OR1L8: variants seen among roughly 807,000 people sequenced by gnomAD.
The protein encoded by OR1L8 is olfactory receptor 1L8.
For synonymous variants in OR1L8, 148 were observed against 147.0 expected (o/e 1.01, Z -0.05); for missense variants, 330 against 377.4 (o/e 0.87, Z 1.04).
At chr9:122,565,295 ATC>A (rs936554962), downstream of OR1L8, among the ~76,000 whole-genome samples, 14 of 152,222 alleles carry the variant, frequency 9.2e-5, no homozygotes, top group Non-Finnish European at 1.9e-4. Flanking sequence ...ATATGAAGAT[ATC>A]TGTGTCCCAT....
At chr9:122,556,336 A>T in the OR1L8 span, among the ~76,000 whole-genome samples, 1 of 150,176 alleles carries the variant, frequency 6.7e-6, no homozygotes, top group East Asian at 2.0e-4. Flanking sequence ...TGTTGAAGAG[A>T]CTGTTTTCTC....
At chr9:122,553,528 T>C in the OR1L8 span, 1 of 1,614,010 alleles carries the variant, frequency 6.2e-7, no homozygotes, top group South Asian at 1.1e-5. Context: ...CAGCTATATT[T>C]CCTCCTTATG....
chr9:122,577,534 T>C (rs1829678816), intron 2 of OR1L8, among the ~76,000 whole-genome samples: 1 of 152,190 alleles, frequency 6.6e-6, no homozygotes, highest in Non-Finnish European at 1.5e-5. Flanking sequence ...TCAGTAAGCA[T>C]GTGAACAAGT....
At chr9:122,580,722 G>A (rs1829729590) in intron 1 of OR1L8, among the ~76,000 whole-genome samples, 1 of 151,764 alleles carries the variant, frequency 6.6e-6, no homozygotes, top group African/African-American at 2.4e-5. Flanking sequence ...GTATTATGAG[G>A]GAATTAAAAG....
At chr9:122,547,703 A>G in the OR1L8 span, among the ~76,000 whole-genome samples, 2 of 151,680 alleles carry the variant, frequency 1.3e-5, no homozygotes, top group Non-Finnish European at 2.9e-5. Context: ...GTTGATGAAC[A>G]CTTAGTTTGA....
intron 3 of OR1L8, among the ~76,000 whole-genome samples, chr9:122,575,272 C>T (rs139748373): frequency 6.6e-6 from 1 of 152,154 alleles, no homozygotes; most frequent in African/African-American, 2.4e-5. Flanking sequence ...AATATAAATT[C>T]TTCTTTAAAT....
chr9:122,548,601 A>ATATATATATATATATATATATATT, the OR1L8 span, among the ~76,000 whole-genome samples: 1 of 151,550 alleles, frequency 6.6e-6, no homozygotes, highest in Non-Finnish European at 1.5e-5. Flanking sequence ...ATATATATAT[A>ATATATATATATATATATATATATT]TTTTTATTAT....
In OR1L8 at chr9:122,568,398, G is replaced by A; in HGVS notation, c.80C>T (p.Thr27Ile). 1.2e-6 allele frequency: 2 copies of A among 1,613,476 alleles called. No homozygotes were observed. Among genetic ancestry groups the A allele is most frequent in the Non-Finnish European group, 1.7e-6 (2 of 1,179,434 alleles). The change falls in exon 5 of 5, where the codon ACA becomes ATA. Residue 27 changes from threonine (T) to isoleucine (I), a missense_variant. Physicochemically the swap from Thr to Ile is moderately conservative, Grantham distance 89. Transcript: ENST00000641027. ...CACGATGAGGAAGAGAACAAAGAGT[G>A]TCTTTTGGTCCTCAGGCCGGGAGGA... The part of the protein sequence containing the change: ...GLSSRPEDQK[T>I]LFVLFLIVYL...
intron 4 of OR1L8, among the ~76,000 whole-genome samples, chr9:122,569,033 G>A (rs1829491896): frequency 6.6e-6 from 1 of 151,788 alleles, no homozygotes; most frequent in South Asian, 2.1e-4. Flanking sequence ...GTGTCACGCT[G>A]AAGTTTATCT....
chr9:122,568,377 A>G lies in OR1L8; in HGVS notation c.101T>C (p.Ile34Thr). 1 of 1,613,970 alleles carries G rather than the reference A, an allele frequency of 6.2e-7. No individual in the cohort carries two copies. Among genetic ancestry groups the G allele is most frequent in the Non-Finnish European group, 8.5e-7 (1 of 1,179,832 alleles). Residue 34 changes from isoleucine to threonine, a missense_variant, in exon 5 of 5, where the codon ATC becomes ACC. Coordinates refer to ENST00000641027, the MANE Select transcript of OR1L8 (RefSeq NM_001004454.2). ...CCCTGTTATGGTGACCAGGTACACG[A>G]TGAGGAAGAGAACAAAGAGTGTCTT... ...DQKTLFVLFLIVYLVTITGNL... is the reference protein window; with the variant it reads ...DQKTLFVLFLTVYLVTITGNL...
At chr9:122,572,610 G>C (rs34175229) in intron 4 of OR1L8, among the ~76,000 whole-genome samples, 170 bp downstream of exon 4, 1 of 150,710 alleles carries the variant, frequency 6.6e-6, no homozygotes, top group African/African-American at 2.4e-5. Flanking sequence ...GGGTTTTGCT[G>C]CTCTCAAAGC....
At chr9:122,579,471 G>C (rs892199152) in intron 1 of OR1L8, among the ~76,000 whole-genome samples, 1 of 152,068 alleles carries the variant, frequency 6.6e-6, no homozygotes, top group African/African-American at 2.4e-5. Flanking sequence ...CCTTGTACTG[G>C]AGCAAAAGGC....
chr9:122,558,310 G>GTTTT, the OR1L8 span, among the ~76,000 whole-genome samples: 4 of 24,208 alleles, frequency 1.7e-4, no homozygotes, highest in African/African-American at 3.1e-4. Context: ...TTTGGATTTT[G>GTTTT]CTTTTTTTTT....
At chr9:122,565,284 G>C (rs923820800), downstream of OR1L8, among the ~76,000 whole-genome samples, 1 of 152,196 alleles carries the variant, frequency 6.6e-6, no homozygotes, top group Non-Finnish European at 1.5e-5. Flanking sequence ...AATGGGCAAA[G>C]ATATGAAGAT....
At position 122,567,509 on chromosome 9, in the gene OR1L8, G is replaced by T; in HGVS notation, c.*39C>A. 1.4e-6 allele frequency: 2 copies of T among 1,417,072 alleles called. No homozygotes were observed. The highest frequency in any genetic ancestry group is 1.4e-5 in the South Asian group (1 of 73,618). 87.8% of individuals were successfully genotyped at this position (1,417,072 alleles called of 1,614,324 possible). ...AACCAGTAGAAAACACGTCCAAGTTGAGCAGATTCCACTTACGAGTTTTTC... is the reference window on the plus strand; with the variant it reads ...AACCAGTAGAAAACACGTCCAAGTTTAGCAGATTCCACTTACGAGTTTTTC... On this transcript the variant is annotated 3_prime_UTR_variant, in exon 5 of 5. Transcript: ENST00000641027.
rs112158286 is a variant in OR1L8 at position 122,569,785 on chromosome 9, C to T, written c.-212-1096G>A. Among the ~76,000 whole-genome samples the T allele has an allele frequency of 3.2e-3, 494 of 152,146 alleles. 2 individuals carry two copies. Among genetic ancestry groups the T allele is most frequent in the African/African-American group, 0.011 (457 of 41,478 alleles). ...TGCTTGTGTGCTGCACCCATTAACT[C>T]GTCATTTAGCATTAGATATATCTCC... On this transcript the variant is annotated intron_variant, in intron 4 of 4. Transcript: ENST00000641027.
the OR1L8 span, among the ~76,000 whole-genome samples, chr9:122,552,196 A>C: frequency 6.6e-6 from 1 of 151,356 alleles, no homozygotes. Context: ...TATGAACCAA[A>C]GAACAAATGG....
chr9:122,570,612 C>T (rs1296473782), intron 4 of OR1L8, among the ~76,000 whole-genome samples: 2 of 152,164 alleles, frequency 1.3e-5, no homozygotes, highest in African/African-American at 4.8e-5. Context: ...ATTGTAAAAA[C>T]ATTCAGGACA....
At chr9:122,580,960 T>C (rs1200134859) in intron 1 of OR1L8, among the ~76,000 whole-genome samples, 1 of 152,176 alleles carries the variant, frequency 6.6e-6, no homozygotes, top group African/African-American at 2.4e-5. Flanking sequence ...GAATGAGCAA[T>C]AGGCCTTTAT....
Sources: gnomAD v4.1 joint callset for allele counts (sites outside exome capture counted in the v4.1 genomes callset) on GRCh38, gnomAD v4.1.1 for gene constraint, MANE v1.5 for transcripts, NCBI Gene and HGNC (gene_info 2026-07-23, HGNC 2026-07-21) for gene names.